The following LIN28A variants were observed in gnomAD, a reference collection of about 807,000 sequenced individuals.
The protein encoded by LIN28A is protein lin-28 homolog A.
Under a neutral mutation model 21.1 loss-of-function variants are expected in LIN28A, and 11 were observed. The ratio of observed to expected loss-of-function variants is 0.52; its 90% CI spans 0.33 to 0.86. LIN28A has a LOEUF of 0.86. Ranked by LOEUF, LIN28A falls within the 40% of genes least tolerant of loss-of-function variation. LIN28A has a pLI of 0.03. For synonymous variants in LIN28A, 111 were observed against 108.7 expected, an observed-to-expected ratio of 1.02 and a Z score of -0.13; for missense variants, 219 against 279.8, an observed-to-expected ratio of 0.78 and a Z score of 1.55.
rs981095683 is a variant in LIN28A, at chr1:26,426,787, G to T, written c.*329G>T. ...ATAGGGAAGTTGTTTTCCTTTTAAAGAAGGATATATAATAATTCCCATGCC... is the reference window on the plus strand; with the variant it reads ...ATAGGGAAGTTGTTTTCCTTTTAAATAAGGATATATAATAATTCCCATGCC... On this transcript the variant is annotated 3_prime_UTR_variant, in exon 4 of 4. Transcript: ENST00000326279. 4 of 301,020 alleles carry T rather than the reference G, an allele frequency of 1.3e-5. No homozygotes were observed. The highest frequency in any genetic ancestry group is 6.5e-5 in the African/African-American group (3 of 46,470). The allele number at this position is 301,020 out of a possible 1,614,324, so 18.6% of individuals were successfully genotyped here. A position where few individuals can be genotyped will look rare whatever the true frequency, so the allele number is the denominator to read the frequency against.
intron 2 of LIN28A, among the ~76,000 whole-genome samples, chr1:26,416,235 C>T (rs1254750013): frequency 6.6e-6 from 1 of 152,120 alleles, no homozygotes; most frequent in Non-Finnish European, 1.5e-5. Flanking sequence ...TCAAGTGATC[C>T]ACCTGCCTGG....
intron 2 of LIN28A, among the ~76,000 whole-genome samples, chr1:26,422,264 C>T (rs926288702): frequency 6.6e-6 from 1 of 152,010 alleles, no homozygotes; most frequent in Non-Finnish European, 1.5e-5. Context: ...CCCATCTTGG[C>T]CTCCCAAAGT....
chr1:26,420,772 G>A (rs1052703011), intron 2 of LIN28A, among the ~76,000 whole-genome samples: 1 of 152,054 alleles, frequency 6.6e-6, no homozygotes, highest in Non-Finnish European at 1.5e-5. Flanking sequence ...AGTGCACAGT[G>A]ATCCCTTTTG....
chr1:26,412,334 G>A (rs1377814122), intron 2 of LIN28A, among the ~76,000 whole-genome samples: 1 of 152,182 alleles, frequency 6.6e-6, no homozygotes, highest in Non-Finnish European at 1.5e-5. Flanking sequence ...AGGGGGTGAA[G>A]GGAGGCTGGC....
At chr1:26,418,583 A>G (rs1387693042) in intron 2 of LIN28A, among the ~76,000 whole-genome samples, 1 of 151,738 alleles carries the variant, frequency 6.6e-6, no homozygotes, top group East Asian at 1.9e-4. Context: ...CTGTTGTCTG[A>G]TGCCACATTC....
Position 26,411,717 on chromosome 1 carries a change from C to T in LIN28A, c.228+135C>T. On this transcript the variant is annotated intron_variant, in intron 2 of 3. Transcript: ENST00000326279. The surrounding 1 kb of genome is among the most constrained non-coding windows in gnomAD (Gnocchi z 5.4). ...TGCATCCCTGTCTTTGCTTCGGCACCCCAATTCTGAGTCCCTGTTAACTAT... is the reference window on the plus strand; with the variant it reads ...TGCATCCCTGTCTTTGCTTCGGCACTCCAATTCTGAGTCCCTGTTAACTAT... 1 of 842,014 alleles carries T rather than the reference C, an allele frequency of 1.2e-6. No homozygotes were observed. The highest frequency in any genetic ancestry group is 1.6e-5 in the South Asian group (1 of 61,472). 52.2% of individuals were successfully genotyped at this position (842,014 alleles called of 1,614,324 possible).
At chr1:26,415,969 C>T (rs900340733) in intron 2 of LIN28A, among the ~76,000 whole-genome samples, 5 of 152,104 alleles carry the variant, frequency 3.3e-5, no homozygotes, top group African/African-American at 9.7e-5. Context: ...CTGAGACATG[C>T]TTCTAGACAA....
chr1:26,415,650 C>G (rs896370123), intron 2 of LIN28A, among the ~76,000 whole-genome samples: 2 of 151,834 alleles, frequency 1.3e-5, no homozygotes, highest in South Asian at 4.2e-4. Flanking sequence ...ACTAGAGATA[C>G]TGAGGGGTGT....
chr1:26,426,159 G>GA, intron 3 of LIN28A, 83 bp from the exon 4 acceptor site: 2 of 1,110,570 alleles, frequency 1.8e-6, no homozygotes, highest in Admixed American at 3.7e-5. Context: ...ACCTGTACCA[G>GA]AGCCCAGGTG....
In LIN28A at chr1:26,411,443, G is replaced by C. The variant is rs1279275649; in HGVS notation, c.89G>C (p.Arg30Pro). Residue 30 changes from arginine to proline, a missense_variant, in exon 2 of 4, where the codon CGG (arginine) becomes CCG (proline). By Grantham distance (103) the Arg-to-Pro change is moderately radical. This residue lies in a region of LIN28A where 50 missense variants were observed against 49.0 expected (regional missense o/e 1.02). Coordinates refer to ENST00000326279, the MANE Select transcript of LIN28A (RefSeq NM_024674.6). The surrounding 1 kb of genome is among the most constrained non-coding windows in gnomAD (Gnocchi z 5.4). ...GAGGAGGCGCCGGAGGACGCGGCCC[G>C]GGCGGCGGACGAGCCTCAGCTGCTG... Reference protein sequence around the residue: ...APEEAPEDAARAADEPQLLHG... With the variant: ...APEEAPEDAAPAADEPQLLHG... 6.2e-7 allele frequency: 1 copy of C among 1,609,244 alleles called. No individual in the cohort carries two copies. The highest frequency in any genetic ancestry group is 1.1e-5 in the South Asian group (1 of 90,746).
At chr1:26,415,984 T>TATTTTGATTTATTTTTA in intron 2 of LIN28A, among the ~76,000 whole-genome samples, 1 of 151,990 alleles carries the variant, frequency 6.6e-6, no homozygotes, top group Admixed American at 6.5e-5. Context: ...AGACAATGTC[T>TATTTTGATTTATTTTTA]TTTTTTTATT....
In LIN28A at chr1:26,429,711, T is replaced by C. The variant is rs2075081670; in HGVS notation, c.*3253T>C. 1 of 152,274 alleles carries C rather than the reference T, an allele frequency of 6.6e-6. No individual in the cohort carries two copies. Among genetic ancestry groups the C allele is most frequent in the Admixed American group, 6.5e-5 (1 of 15,294 alleles). 9.4% of individuals were successfully genotyped at this position (152,274 alleles called of 1,614,324 possible). A position where few individuals can be genotyped will look rare whatever the true frequency, so the allele number is the denominator to read the frequency against. On this transcript the variant is annotated 3_prime_UTR_variant, in exon 4 of 4. Transcript: ENST00000326279. ...AATACAATGAATAAATAAAGACTTATTGGTACGCAAACTGTCATCCCCTTG... is the reference window on the plus strand; with the variant it reads ...AATACAATGAATAAATAAAGACTTACTGGTACGCAAACTGTCATCCCCTTG...
intron 2 of LIN28A, among the ~76,000 whole-genome samples, chr1:26,417,568 C>A (rs137990146): frequency 4.6e-5 from 7 of 152,292 alleles, no homozygotes; most frequent in African/African-American, 1.7e-4. Flanking sequence ...GTTAGGCCAG[C>A]TGCACTCAGC....
intron 2 of LIN28A, among the ~76,000 whole-genome samples, chr1:26,421,488 TC>T (rs1180006185): frequency 2.0e-5 from 3 of 152,228 alleles, no homozygotes; most frequent in Admixed American, 6.5e-5. Flanking sequence ...AATTCTTTTT[TC>T]TTAGTGATTT....
rs1406886141 is a variant in LIN28A, at chr1:26,426,897, T to C, written c.*439T>C. On this transcript the variant is annotated 3_prime_UTR_variant, in exon 4 of 4. Transcript: ENST00000326279. ...AAGGAGATCTCTCAGGAGTAAGCAT[T>C]GTTTTTTTTTCACATCTTGTATCCT... 1.7e-5 allele frequency: 3 copies of C among 180,654 alleles called. No individual in the cohort carries two copies. The highest frequency in any genetic ancestry group is 2.4e-5 in the Non-Finnish European group (2 of 84,616). The allele number at this position is 180,654 out of a possible 1,614,324, so 11.2% of individuals were successfully genotyped here.
At chr1:26,421,682 T>C in intron 2 of LIN28A, among the ~76,000 whole-genome samples, 1 of 152,226 alleles carries the variant, frequency 6.6e-6, no homozygotes, top group East Asian at 1.9e-4. Context: ...TATTGAATTA[T>C]TTTTCTTACC....
In LIN28A at chr1:26,411,285, C is replaced by T; in HGVS notation, c.32-101C>T. The T allele has an allele frequency of 8.5e-7, 1 of 1,173,954 alleles. No homozygotes were observed. The highest frequency in any genetic ancestry group is 1.2e-6 in the Non-Finnish European group (1 of 861,698). The allele number at this position is 1,173,954 out of a possible 1,614,324, so 72.7% of individuals were successfully genotyped here. ...TTGGTAGCTGCCCCCTCCTGGCTGT[C>T]CACTTGTGGGGCTGGATACTCGGGT... On this transcript the variant is annotated intron_variant, in intron 1 of 3. Transcript: ENST00000326279. This position sits in a 1 kb window ranked among gnomAD's most constrained non-coding sequence, Gnocchi z 5.4.
chr1:26,411,644 G>A lies in LIN28A; in HGVS notation c.228+62G>A, dbSNP rs2074960255. ...CGTCTAGGCGCCCATATCCACGGGT[G>A]GGCTCCGGGCTCGCAGTTGAATTGA... On this transcript the variant is annotated intron_variant, in intron 2 of 3. Coordinates refer to ENST00000326279, the MANE Select transcript of LIN28A (RefSeq NM_024674.6). This position sits in a 1 kb window ranked among gnomAD's most constrained non-coding sequence, Gnocchi z 5.4. 7.2e-6 allele frequency: 11 copies of A among 1,533,268 alleles called. No individual in the cohort carries two copies. The East Asian group carries it at 1.9e-4, about 26-fold the overall frequency. The allele number at this position is 1,533,268 out of a possible 1,614,324, so 95.0% of individuals were successfully genotyped here.
intron 2 of LIN28A, among the ~76,000 whole-genome samples, chr1:26,414,879 TG>T (rs1034770507): frequency 2.6e-5 from 4 of 152,118 alleles, no homozygotes; most frequent in Non-Finnish European, 5.9e-5. Context: ...CATCCCTGCT[TG>T]AGAAACACAG....
Sources: gnomAD v4.1 joint callset for allele counts (sites outside exome capture counted in the v4.1 genomes callset) on GRCh38, gnomAD v4.1.1 for gene constraint, gnomAD v4.1.1 regional missense constraint, Gnocchi (gnomAD v3.1) non-coding constraint, MANE v1.5 for transcripts, NCBI Gene and HGNC (gene_info 2026-07-23, HGNC 2026-07-21) for gene names.